Variants in TMEM126B observed in about 807,000 individuals in gnomAD.
TMEM126B encodes the protein transmembrane protein 126B, also known as complex I assembly factor TMEM126B, mitochondrial.
In TMEM126B, 19 loss-of-function variants were observed where a neutral mutation model predicts 16.5. The observed-to-expected ratio is 1.15, with a 90% CI of 0.80 to 1.69. The LOEUF is 1.69. TMEM126B is among the 40% of genes most tolerant of loss of function. The pLI is 0.00. For synonymous variants in TMEM126B, 104 were observed against 93.2 expected (o/e 1.12, Z -0.67); for missense variants, 293 against 278.7 (o/e 1.05, Z -0.37).
chr11:85,631,235 C>T, intron 1 of TMEM126B: 1 of 1,289,224 alleles, frequency 7.8e-7, no homozygotes, highest in Admixed American at 2.3e-5. Context: ...TCCACCTCCC[C>T]ACCTGAAGAG....
At chr11:85,632,686 G>T (rs2082324429) in intron 2 of TMEM126B, among the ~76,000 whole-genome samples, 1 of 151,876 alleles carries the variant, frequency 6.6e-6, no homozygotes, top group African/African-American at 2.4e-5. Flanking sequence ...TCCATTTAAA[G>T]TGTACAGTTA....
At chr11:85,633,650 C>T (rs1260326915) in intron 2 of TMEM126B, among the ~76,000 whole-genome samples, 1 of 152,094 alleles carries the variant, frequency 6.6e-6, no homozygotes, top group African/African-American at 2.4e-5. Context: ...GTATCTGGGA[C>T]TAATGAAGAA....
At chr11:85,635,930 C>CT in intron 4 of TMEM126B, 116 bp from the exon 5 acceptor site, 1 of 1,208,222 alleles carries the variant, frequency 8.3e-7, no homozygotes, top group Non-Finnish European at 1.1e-6. Flanking sequence ...TAACTTTTAA[C>CT]TTTTTTGCTC....
At position 85,634,093 on chromosome 11, in the gene TMEM126B, A is replaced by G; in HGVS notation, c.211A>G (p.Asn71Asp). The G allele has an allele frequency of 6.2e-7, 1 of 1,612,246 alleles. No individual in the cohort carries two copies. The highest frequency in any genetic ancestry group is 8.5e-7 in the Non-Finnish European group (1 of 1,179,446). Residue 71 changes from asparagine to aspartate, a missense_variant, in exon 3 of 5, where the codon AAT becomes GAT. By Grantham distance (23) the Asn-to-Asp change is conservative. Transcript: ENST00000358867. ...FDYLRKEMTQ[N>D]IYQMATFGTT... is the part of the protein sequence containing the mutation. ...TTTCTTTTTTTCTATTAGGACACAA[A>G]ATATATATCAAATGGCGACATTTGG...
At chr11:85,635,047 C>G (rs1591455489) in intron 3 of TMEM126B, 1 of 152,216 alleles carries the variant, frequency 6.6e-6, no homozygotes, top group East Asian at 1.9e-4. Context: ...TAGCTCCTAG[C>G]ACGTTCCTGA....
chr11:85,632,619 A>G lies in TMEM126B; in HGVS notation c.203+811A>G, dbSNP rs138390568. 5.3e-4 allele frequency among the ~76,000 whole-genome samples: 81 copies of G among 152,094 alleles called. No individual in the cohort carries two copies. The East Asian group carries it at 0.014, about 26-fold the overall frequency. On this transcript the variant is annotated intron_variant, in intron 2 of 4. Transcript: ENST00000358867. The stretch of plus-strand genomic sequence containing the variant: ...AAATTATTTTATTTTATTTTATTTT[A>G]TTTCATTTTCTGTTTTATGGCTTTA...
At chr11:85,636,010 A>C (rs1234851187) in intron 4 of TMEM126B, 36 bp from the exon 5 acceptor site, 1 of 1,527,018 alleles carries the variant, frequency 6.5e-7, no homozygotes, top group Non-Finnish European at 8.7e-7. Context: ...TAGCATTCAT[A>C]TCCAGGAGAG....
rs1308770512 is a variant in TMEM126B at position 85,628,818 on chromosome 11, A to C, written c.81+130A>C. On this transcript the variant is annotated intron_variant, in intron 1 of 4. Coordinates refer to ENST00000358867, the MANE Select transcript of TMEM126B (RefSeq NM_018480.7). ...CAGCTCCCAAGTCCATGCAAGGAGC[A>C]GTCGATTAAGTCTCCAGTTGCTGTG... 24 of 866,358 alleles carry C rather than the reference A, an allele frequency of 2.8e-5. No individual in the cohort carries two copies. The Admixed American group carries it at 5.4e-4, about 19-fold the overall frequency. The allele number at this position is 866,358 out of a possible 1,614,324, so 53.7% of individuals were successfully genotyped here.
At chr11:85,631,202 G>C (rs1268980983) in intron 1 of TMEM126B, 12 of 1,290,334 alleles carry the variant, frequency 9.3e-6, no homozygotes, top group Middle Eastern at 4.2e-4. Flanking sequence ...TGAGGATAGA[G>C]ATGTCAATAA....
intron 1 of TMEM126B, among the ~76,000 whole-genome samples, chr11:85,629,898 G>A (rs1041379052): frequency 4.6e-5 from 7 of 152,080 alleles, no homozygotes; most frequent in Non-Finnish European, 7.4e-5. Context: ...CTCCAGAAAT[G>A]TTACAGAAAA....
At chr11:85,631,368 C>T in intron 1 of TMEM126B, 1 of 1,157,490 alleles carries the variant, frequency 8.6e-7, no homozygotes, top group Non-Finnish European at 1.1e-6. Context: ...TTCAGACCTT[C>T]AGTTTGCTCA....
chr11:85,635,458 G>C (rs1183098887), intron 3 of TMEM126B, among the ~76,000 whole-genome samples: 1 of 152,130 alleles, frequency 6.6e-6, no homozygotes, highest in Non-Finnish European at 1.5e-5. Context: ...ATACGTTAGA[G>C]GTAATTCTCT....
intron 4 of TMEM126B, 126 bp from the exon 5 acceptor site, chr11:85,635,920 T>C: frequency 8.5e-7 from 1 of 1,175,956 alleles, no homozygotes; most frequent in Non-Finnish European, 1.2e-6. Context: ...TTCAGATAGC[T>C]AACTTTTAAC....
chr11:85,631,382 G>C (rs1343529799), intron 1 of TMEM126B: 1 of 1,125,762 alleles, frequency 8.9e-7, no homozygotes, highest in Non-Finnish European at 1.1e-6. Context: ...TTGCTCATAT[G>C]TATAGAAATA....
Position 85,631,573 on chromosome 11 carries a change from C to T in TMEM126B, c.82-114C>T, listed in dbSNP as rs2082297332. 3 of 1,205,562 alleles carry T rather than the reference C, an allele frequency of 2.5e-6. No individual in the cohort carries two copies. In the East Asian group the frequency reaches 7.8e-5, roughly 31 times the overall value. 74.7% of individuals were successfully genotyped at this position (1,205,562 alleles called of 1,614,324 possible). On this transcript the variant is annotated intron_variant, in intron 1 of 4. Transcript: ENST00000358867. Reference sequence around the variant, plus strand: ...GTATGTGAAAGCAGACGACACAGTACCTGGCACACTACTAAACTGTAAATG... The same window carrying T: ...GTATGTGAAAGCAGACGACACAGTATCTGGCACACTACTAAACTGTAAATG...
At chr11:85,632,164 A>G (rs2082312656) in intron 2 of TMEM126B, among the ~76,000 whole-genome samples, 1 of 152,210 alleles carries the variant, frequency 6.6e-6, no homozygotes, top group African/African-American at 2.4e-5. Context: ...TCAGTTTAGG[A>G]TTGATTATCT....
intron 1 of TMEM126B, chr11:85,629,149 C>A (rs1473202510): frequency 1.8e-6 from 2 of 1,088,578 alleles, no homozygotes; most frequent in Non-Finnish European, 2.5e-6. Context: ...GTTCTGAACT[C>A]CCACTGCGTT....
chr11:85,632,250 C>CTT (rs971926160), intron 2 of TMEM126B, among the ~76,000 whole-genome samples: 8 of 148,914 alleles, frequency 5.4e-5, no homozygotes, highest in African/African-American at 1.5e-4. Context: ...AACATATTGA[C>CTT]TTTTTTTTTT....
intron 3 of TMEM126B, 159 bp downstream of exon 3, chr11:85,634,438 T>A: frequency 1.7e-6 from 1 of 573,778 alleles, no homozygotes; most frequent in Non-Finnish European, 2.9e-6. Context: ...CCTGCAACAA[T>A]CCTCCTAATC....
Sources: allele counts gnomAD v4.1 joint callset (sites outside exome capture counted in the v4.1 genomes callset), GRCh38; gene constraint gnomAD v4.1.1; transcripts MANE v1.5; gene names NCBI Gene and HGNC (gene_info 2026-07-23, HGNC 2026-07-21).